Variants in CHD7 observed in about 807,000 individuals in gnomAD.
CHD7 encodes ATP-dependent chromatin remodeler CHD7.
CHD7 carries 24 observed loss-of-function variants against 307.3 expected under a neutral mutation model. The observed-to-expected ratio is 0.08, with a 90% CI of 0.06 to 0.11. CHD7 has a LOEUF of 0.11. CHD7 is among the 10% of genes least tolerant of loss of function. CHD7 has a pLI of 1.00. For synonymous variants in CHD7, 1,363 were observed against 1,349.9 expected, an observed-to-expected ratio of 1.01 and a Z score of -0.21; for missense variants, 3,106 against 3,727.1, an observed-to-expected ratio of 0.83 and a Z score of 4.34.
chr8:60,811,937 A>G lies in CHD7; in HGVS notation c.2498+3665A>G, dbSNP rs570939483. ...TTATTGTGAATAAGAACACCTTTTC[A>G]TAAGATTAATGGCCACTTTTTACAT... On this transcript the variant is annotated intron_variant, in intron 7 of 37. Coordinates refer to ENST00000423902, the MANE Select transcript of CHD7 (RefSeq NM_017780.4). Among the ~76,000 whole-genome samples the G allele has an allele frequency of 2.6e-5, 4 of 152,342 alleles. No homozygotes were observed. In the South Asian group the frequency reaches 6.2e-4, roughly 24 times the overall value.
At chr8:60,798,647 C>T (rs937677278) in intron 4 of CHD7, among the ~76,000 whole-genome samples, 20 of 152,150 alleles carry the variant, frequency 1.3e-4, no homozygotes, top group Non-Finnish European at 2.1e-4. Context: ...ACTTTCTCAA[C>T]TTTAACATTC....
Position 60,852,184 on chromosome 8 carries a change from C to G in CHD7, c.5831C>G (p.Pro1944Arg). 1.9e-6 allele frequency: 3 copies of G among 1,613,944 alleles called. No homozygotes were observed. Among genetic ancestry groups the G allele is most frequent in the Non-Finnish European group, 2.5e-6 (3 of 1,179,882 alleles). The change falls in exon 29 of 38, where the codon CCT becomes CGT. Residue 1944 changes from proline (P) to arginine (R), a missense_variant. Around this residue, in one of 10 missense-constraint regions of CHD7, gnomAD observed 1,030 missense variants for 1,165.4 expected, o/e 0.88. Coordinates refer to ENST00000423902, the MANE Select transcript of CHD7 (RefSeq NM_017780.4). ...AAGACTGACCGGCGCAGACGGCGGC[C>G]TCGAGAGGAAGTGAGAGCTCTGGAA... ...LMKTDRRRRRPREEVRALEAE... is the reference protein window; with the variant it reads ...LMKTDRRRRRRREEVRALEAE...
intron 31 of CHD7, 71 bp downstream of exon 31, chr8:60,853,571 G>C: frequency 8.3e-7 from 1 of 1,198,970 alleles, no homozygotes; most frequent in South Asian, 1.9e-5. Context: ...CTTTCTGGCA[G>C]CACGGCACCT....
At chr8:60,745,097 G>T (rs568811134) in intron 2 of CHD7, among the ~76,000 whole-genome samples, 3 of 151,684 alleles carry the variant, frequency 2.0e-5, no homozygotes, top group African/African-American at 4.8e-5. Flanking sequence ...AGGGCAGAAC[G>T]CCTCTCCTCA....
chr8:60,806,439 C>A (rs2150720281), intron 6 of CHD7, among the ~76,000 whole-genome samples: 1 of 152,278 alleles, frequency 6.6e-6, no homozygotes, highest in African/African-American at 2.4e-5. Flanking sequence ...TGGATGGCCA[C>A]TTGAACTTGG....
intron 1 of CHD7, among the ~76,000 whole-genome samples, chr8:60,688,799 G>C (rs1806048762): frequency 6.6e-6 from 1 of 152,188 alleles, no homozygotes; most frequent in Non-Finnish European, 1.5e-5. Context: ...AGGCATGTTT[G>C]ATCAGCTCTG....
chr8:60,783,704 T>C (rs1460686490), intron 3 of CHD7, among the ~76,000 whole-genome samples: 1 of 152,184 alleles, frequency 6.6e-6, no homozygotes, highest in Non-Finnish European at 1.5e-5. Flanking sequence ...ACACGTCTGA[T>C]GAGCCTGCGG....
chr8:60,759,465 C>A (rs1810059355), intron 2 of CHD7, among the ~76,000 whole-genome samples: 2 of 147,954 alleles, frequency 1.4e-5, no homozygotes, highest in African/African-American at 5.1e-5. Flanking sequence ...CTCTCCCTCC[C>A]TCTCTCCCTC....
At chr8:60,782,378 C>A (rs1040178771) in intron 3 of CHD7, among the ~76,000 whole-genome samples, 2 of 152,170 alleles carry the variant, frequency 1.3e-5, no homozygotes, top group Non-Finnish European at 2.9e-5. Flanking sequence ...TGTGTGCATG[C>A]CCAAGTACAC....
chr8:60,689,941 A>G (rs1806112477), intron 1 of CHD7, among the ~76,000 whole-genome samples: 1 of 152,240 alleles, frequency 6.6e-6, no homozygotes. Context: ...GCACAGGACT[A>G]GAGTTGCCTT....
chr8:60,781,891 C>G (rs1007820675), intron 3 of CHD7, among the ~76,000 whole-genome samples: 1 of 152,142 alleles, frequency 6.6e-6, no homozygotes, highest in Non-Finnish European at 1.5e-5. Flanking sequence ...GTAAGCCTTC[C>G]AGGAGCAGGG....
chr8:60,845,446 C>G (rs1469079591), intron 23 of CHD7, 37 bp downstream of exon 23: 1 of 1,598,218 alleles, frequency 6.3e-7, no homozygotes, highest in Non-Finnish European at 8.5e-7. Context: ...GAGCTTAATT[C>G]CCTTTTTATT....
intron 9 of CHD7, 144 bp from the exon 10 acceptor site, chr8:60,821,646 A>G: frequency 1.8e-6 from 1 of 567,494 alleles, no homozygotes; most frequent in Non-Finnish European, 2.8e-6. Flanking sequence ...GTATAAACAT[A>G]TATATACACA....
In CHD7 at chr8:60,851,085, C is replaced by T. The variant is rs753437069; in HGVS notation, c.5588C>T (p.Pro1863Leu). 55 of 1,571,822 alleles carry T rather than the reference C, an allele frequency of 3.5e-5. No homozygotes were observed. The highest frequency in any genetic ancestry group is 1.7e-5 in the Non-Finnish European group (20 of 1,157,130). Reference sequence around the variant, plus strand: ...CCAGAATATAAACCAACCAGAACACCGTTCAAAGATGAAATAGATGTATGA... The same window carrying T: ...CCAGAATATAAACCAACCAGAACACTGTTCAAAGATGAAATAGATGTATGA... The part of the protein sequence containing the change: ...EDPEYKPTRT[P>L]FKDEIDEFAN... Residue 1863 changes from proline to leucine, a missense_variant, in exon 27 of 38, where the codon CCG (proline) becomes CTG (leucine). Coordinates refer to ENST00000423902, the MANE Select transcript of CHD7 (RefSeq NM_017780.4).
chr8:60,790,904 T>C (rs1811745405), intron 3 of CHD7, among the ~76,000 whole-genome samples: 2 of 152,176 alleles, frequency 1.3e-5, no homozygotes, highest in Admixed American at 6.5e-5. Flanking sequence ...CCATGGTGAT[T>C]AGAAAATGCT....
chr8:60,853,021 A>G lies in CHD7; in HGVS notation c.6296A>G (p.Asp2099Gly), dbSNP rs763634286. Residue 2099 changes from aspartate to glycine, a missense_variant, in exon 31 of 38, where the codon GAC becomes GGC. Physicochemically the swap from Asp to Gly is moderately conservative, Grantham distance 94. Transcript: ENST00000423902. Reference sequence around the variant, plus strand: ...TGGGAGTGTGGACGGCATGACCGAGACTTGCTGGTTGGTGCTGCTAAACAC... The same window carrying G: ...TGGGAGTGTGGACGGCATGACCGAGGCTTGCTGGTTGGTGCTGCTAAACAC... ...EWWECGRHDR[D>G]LLVGAAKHGV... is the part of the protein sequence containing the mutation. The G allele has an allele frequency of 6.2e-7, 1 of 1,613,942 alleles. No individual in the cohort carries two copies. The highest frequency in any genetic ancestry group is 8.5e-7 in the Non-Finnish European group (1 of 1,179,880).
At chr8:60,722,904 C>A (rs1370352494) in intron 1 of CHD7, among the ~76,000 whole-genome samples, 1 of 152,158 alleles carries the variant, frequency 6.6e-6, no homozygotes, top group East Asian at 1.9e-4. Flanking sequence ...CAAGGGGTAG[C>A]TTCTTAAAGG....
intron 1 of CHD7, among the ~76,000 whole-genome samples, chr8:60,684,034 T>G (rs1805758078): frequency 6.6e-6 from 1 of 152,244 alleles, no homozygotes; most frequent in Non-Finnish European, 1.5e-5. Flanking sequence ...TGTTGCATTT[T>G]AACTAATGTT....
chr8:60,684,554 C>CAATA (rs1805788564), intron 1 of CHD7, among the ~76,000 whole-genome samples: 1 of 152,044 alleles, frequency 6.6e-6, no homozygotes, highest in Non-Finnish European at 1.5e-5. Context: ...TGGGGTATTA[C>CAATA]CCCTTAGGAA....
Sources: allele counts gnomAD v4.1 joint callset (sites outside exome capture counted in the v4.1 genomes callset), GRCh38; gene constraint gnomAD v4.1.1; regional missense constraint gnomAD v4.1.1; transcripts MANE v1.5; gene names NCBI Gene and HGNC (gene_info 2026-07-23, HGNC 2026-07-21).